RNLS: variants seen among roughly 807,000 people sequenced by gnomAD.
RNLS encodes renalase.
Under a neutral mutation model 39.8 loss-of-function variants are expected in RNLS, and 39 were observed. The ratio of observed to expected loss-of-function variants is 0.98; its 90% CI spans 0.76 to 1.28. RNLS has a LOEUF of 1.28. Among genes scored for constraint, RNLS ranks in the 50% most tolerant of loss-of-function variants. RNLS has a pLI of 0.00. For missense variants in RNLS, 410 were observed against 413.3 expected, an observed-to-expected ratio of 0.99 and a Z score of 0.07; for synonymous variants, 147 against 150.7, an observed-to-expected ratio of 0.98 and a Z score of 0.18.
intron 5 of RNLS, among the ~76,000 whole-genome samples, chr10:88,336,508 A>C (rs1300095132): frequency 6.6e-6 from 1 of 152,228 alleles, no homozygotes; most frequent in African/African-American, 2.4e-5. Flanking sequence ...ACCCCACACG[A>C]TGAATTGAAA....
chr10:88,389,562 A>C (rs961962107), intron 4 of RNLS, among the ~76,000 whole-genome samples: 1 of 12,268 alleles, frequency 8.2e-5, no homozygotes, highest in Admixed American at 6.0e-4. Context: ...GGATTTCTTA[A>C]CTGAGTTGTT....
chr10:88,245,478 G>A, the RNLS span, among the ~76,000 whole-genome samples: 3 of 152,250 alleles, frequency 2.0e-5, no homozygotes, highest in East Asian at 3.9e-4. Context: ...GATGGCAGCC[G>A]CAGAAACGTC....
intron 4 of RNLS, among the ~76,000 whole-genome samples, chr10:88,378,139 T>C (rs759390272): frequency 2.2e-4 from 33 of 152,166 alleles, no homozygotes; most frequent in Non-Finnish European, 4.4e-4. Context: ...AAGCTGTTTA[T>C]CTCCTATAAC....
chr10:88,324,772 T>G (rs1397287360), intron 5 of RNLS, among the ~76,000 whole-genome samples: 1 of 152,174 alleles, frequency 6.6e-6, no homozygotes, highest in Non-Finnish European at 1.5e-5. Context: ...CTTCCTAAAC[T>G]GAAACTCCAT....
intron 4 of RNLS, among the ~76,000 whole-genome samples, chr10:88,504,831 G>C (rs187479292): frequency 7.4e-6 from 1 of 135,096 alleles, no homozygotes. Flanking sequence ...GCAAATTAGA[G>C]AGAGAGAGAC....
chr10:88,179,538 A>C, the RNLS span, among the ~76,000 whole-genome samples: 1 of 152,228 alleles, frequency 6.6e-6, no homozygotes, highest in Non-Finnish European at 1.5e-5. Flanking sequence ...CAAGTACTCT[A>C]TATGTTTAAT....
At chr10:88,527,626 C>A (rs1847183747) in intron 4 of RNLS, among the ~76,000 whole-genome samples, 1 of 152,018 alleles carries the variant, frequency 6.6e-6, no homozygotes, top group South Asian at 2.1e-4. Flanking sequence ...GAAATCTTTC[C>A]TGATTTTCCT....
At chr10:88,282,881 T>G (rs1843074265), downstream of RNLS, among the ~76,000 whole-genome samples, 1 of 152,176 alleles carries the variant, frequency 6.6e-6, no homozygotes, top group African/African-American at 2.4e-5. Context: ...AAGGCTATAT[T>G]TATCAGCTAA....
chr10:88,509,213 T>C (rs1251995118), intron 4 of RNLS, among the ~76,000 whole-genome samples: 1 of 152,128 alleles, frequency 6.6e-6, no homozygotes, highest in East Asian at 1.9e-4. Flanking sequence ...TGTATGATTA[T>C]GATTTTGTGA....
chr10:88,283,336 A>G (rs760360318), downstream of RNLS, among the ~76,000 whole-genome samples: 4 of 152,174 alleles, frequency 2.6e-5, no homozygotes, highest in Non-Finnish European at 5.9e-5. Context: ...CAGAGTTAGA[A>G]AGAATAGATA....
chr10:88,235,841 T>G, the RNLS span, among the ~76,000 whole-genome samples: 537 of 147,494 alleles, frequency 3.6e-3, 1 homozygote, highest in Middle Eastern at 6.9e-3. Flanking sequence ...TGTTTTTTTG[T>G]TTTTTTTTGA....
In RNLS at chr10:88,583,155, T is replaced by A. The variant is rs776273868; in HGVS notation, c.36A>T (p.Thr12=). 3.2e-5 allele frequency: 52 copies of A among 1,613,936 alleles called. No individual in the cohort carries two copies. Among genetic ancestry groups the A allele is most frequent in the Non-Finnish European group, 4.2e-5 (50 of 1,179,950 alleles). ...AQVLIVGAGM[T]GSLCAALLRR... ...TCAGCAGCGCAGCGCACAAGCTTCC[T>A]GTCATCCCGGCGCCCACGATCAGCA... The change falls in exon 1 of 7, where the codon ACA becomes ACT. Residue 12 remains threonine, a synonymous_variant. Transcript: ENST00000331772.
At chr10:88,189,823 T>G in the RNLS span, among the ~76,000 whole-genome samples, 63 of 152,358 alleles carry the variant, frequency 4.1e-4, no homozygotes, top group Non-Finnish European at 7.9e-4. Flanking sequence ...GATGAAAGTT[T>G]ATGACATCTG....
At chr10:88,316,889 C>A (rs758138093) in intron 5 of RNLS, among the ~76,000 whole-genome samples, 2 of 152,028 alleles carry the variant, frequency 1.3e-5, no homozygotes, top group Admixed American at 1.3e-4. Context: ...TCCCCCAACC[C>A]TAAATCAGAG....
intron 6 of RNLS, among the ~76,000 whole-genome samples, chr10:88,301,045 A>G (rs934294745): frequency 2.0e-5 from 3 of 152,172 alleles, no homozygotes; most frequent in African/African-American, 7.2e-5. Flanking sequence ...TCCTTTTTAA[A>G]GTTTTTTATA....
At chr10:88,228,825 A>G in the RNLS span, among the ~76,000 whole-genome samples, 1 of 152,206 alleles carries the variant, frequency 6.6e-6, no homozygotes, top group Non-Finnish European at 1.5e-5. Context: ...ATAACAGCAC[A>G]TGTAGCATCT....
the RNLS span, among the ~76,000 whole-genome samples, chr10:88,229,077 C>T: frequency 6.6e-6 from 1 of 152,188 alleles, no homozygotes; most frequent in African/African-American, 2.4e-5. Context: ...CTCTAAATTT[C>T]ACTTACATTA....
intron 4 of RNLS, among the ~76,000 whole-genome samples, chr10:88,427,054 A>T (rs1361760453): frequency 6.6e-6 from 1 of 152,004 alleles, no homozygotes; most frequent in Non-Finnish European, 1.5e-5. Flanking sequence ...TGTGTCTGGT[A>T]CTCCCCACAG....
In RNLS at chr10:88,572,893, G is replaced by T. The variant is rs755529168; in HGVS notation, c.526+10C>A. ...TCCCTGAGGCAGGTAAATGGCAAAA[G>T]CAGACTCACAGGTGGTGATGTCACC... On this transcript the variant is annotated intron_variant, in intron 4 of 6. Transcript: ENST00000331772. 4 of 1,611,880 alleles carry T rather than the reference G, an allele frequency of 2.5e-6. No homozygotes were observed. The South Asian group carries it at 3.3e-5, about 13-fold the overall frequency.
Sources: allele counts gnomAD v4.1 joint callset (sites outside exome capture counted in the v4.1 genomes callset), GRCh38; gene constraint gnomAD v4.1.1; transcripts MANE v1.5; gene names NCBI Gene and HGNC (gene_info 2026-07-23, HGNC 2026-07-21).